SEPTIN9: variants seen among roughly 807,000 people sequenced by gnomAD.
The protein encoded by SEPTIN9 is septin-9.
Under a neutral mutation model 56.6 loss-of-function variants are expected in SEPTIN9, and 13 were observed. That is an observed-to-expected ratio of 0.23 (90% confidence interval 0.15 to 0.37). SEPTIN9 has a LOEUF of 0.37. Among genes scored for constraint, SEPTIN9 ranks in the 10% least tolerant of loss-of-function variants. SEPTIN9 has a pLI of 1.00. For missense variants in SEPTIN9, 650 were observed against 823.1 expected, an observed-to-expected ratio of 0.79 and a Z score of 2.57; for synonymous variants, 332 against 334.1, an observed-to-expected ratio of 0.99 and a Z score of 0.07.
At chr17:77,357,885 C>T (rs2034303757) in intron 2 of SEPTIN9, among the ~76,000 whole-genome samples, 2 of 152,242 alleles carry the variant, frequency 1.3e-5, no homozygotes, top group African/African-American at 2.4e-5. Flanking sequence ...AAGCCCTAAT[C>T]CTGGCTCTGT....
chr17:77,459,474 C>A (rs2038362356), intron 3 of SEPTIN9, among the ~76,000 whole-genome samples: 1 of 152,184 alleles, frequency 6.6e-6, no homozygotes, highest in South Asian at 2.1e-4. Context: ...CAGAGCACAG[C>A]CCCAGCCAGG....
At chr17:77,398,146 G>T (rs942178916) in intron 2 of SEPTIN9, among the ~76,000 whole-genome samples, 1 of 151,940 alleles carries the variant, frequency 6.6e-6, no homozygotes, top group Non-Finnish European at 1.5e-5. Flanking sequence ...GCCAATTTTT[G>T]TATTGTTTAG....
chr17:77,404,420 A>AT (rs1292423221), intron 3 of SEPTIN9, among the ~76,000 whole-genome samples: 2 of 151,834 alleles, frequency 1.3e-5, no homozygotes, highest in Non-Finnish European at 2.9e-5. Flanking sequence ...TAATTTTTAA[A>AT]TTTTTTTTGT....
rs976123448 is a variant in SEPTIN9, at chr17:77,329,335, G to A, written c.76+22138G>A. On this transcript the variant is annotated intron_variant, in intron 2 of 11. Transcript: ENST00000427177. The surrounding 1 kb of genome is among the most constrained non-coding windows in gnomAD (Gnocchi z 4.3). ...TGGACCCACCTGCCTGGCTGCCCCC[G>A]TCAGCATCCAGCAGAGGCCACTGGA... Among the ~76,000 whole-genome samples the A allele has an allele frequency of 6.6e-6, 1 of 152,134 alleles. No individual in the cohort carries two copies. The highest frequency in any genetic ancestry group is 1.9e-4 in the East Asian group (1 of 5,180).
chr17:77,364,173 A>AG (rs1016197358), intron 2 of SEPTIN9, among the ~76,000 whole-genome samples: 1 of 152,102 alleles, frequency 6.6e-6, no homozygotes, highest in African/African-American at 2.4e-5. Flanking sequence ...GATTGTCTGG[A>AG]GGGGCCCAGC....
chr17:77,451,490 C>G lies in SEPTIN9; in HGVS notation c.722-30654C>G, dbSNP rs985217772. ...GTGACCCGGTGGGCGGGCCGCGGCTCTCGGCGCGTCCAGCGCAGCCCGACG... is the reference window on the plus strand; with the variant it reads ...GTGACCCGGTGGGCGGGCCGCGGCTGTCGGCGCGTCCAGCGCAGCCCGACG... On this transcript the variant is annotated intron_variant, in intron 3 of 11. Transcript: ENST00000427177. This position sits in a 1 kb window ranked among gnomAD's most constrained non-coding sequence, Gnocchi z 4.2. 6 of 985,700 alleles carry G rather than the reference C, an allele frequency of 6.1e-6. No individual in the cohort carries two copies. The highest frequency in any genetic ancestry group is 5.1e-4 in the Middle Eastern group (1 of 1,942). The allele number at this position is 985,700 out of a possible 1,614,324, so 61.1% of individuals were successfully genotyped here.
chr17:77,395,353 G>A (rs1031644286), intron 2 of SEPTIN9, among the ~76,000 whole-genome samples: 3 of 151,868 alleles, frequency 2.0e-5, no homozygotes, highest in African/African-American at 4.8e-5. Flanking sequence ...CGGTGAAATC[G>A]TGTCTCTACT....
intron 2 of SEPTIN9, among the ~76,000 whole-genome samples, chr17:77,365,010 G>A (rs1328313660): frequency 1.3e-5 from 2 of 152,168 alleles, no homozygotes; most frequent in Non-Finnish European, 2.9e-5. Flanking sequence ...TTAGAGCATC[G>A]GGTCTTTGTT....
chr17:77,392,641 G>A (rs564496524), intron 2 of SEPTIN9, among the ~76,000 whole-genome samples: 351 of 152,264 alleles, frequency 2.3e-3, no homozygotes, highest in African/African-American at 8.0e-3. Flanking sequence ...GAAGGCAGAG[G>A]GGGAGGGGAC....
At chr17:77,343,037 C>CTATCTATCTATCTATCTA (rs1167779503) in intron 2 of SEPTIN9, among the ~76,000 whole-genome samples, 2 of 141,420 alleles carry the variant, frequency 1.4e-5, no homozygotes, top group African/African-American at 5.6e-5. Context: ...ATCTATCTAT[C>CTATCTATCTATCTATCTA]TATCTAGTCT....
chr17:77,338,445 G>A (rs947004578), intron 2 of SEPTIN9, among the ~76,000 whole-genome samples: 2 of 151,822 alleles, frequency 1.3e-5, no homozygotes, highest in South Asian at 2.1e-4. Flanking sequence ...TTGAGACAGA[G>A]TCTTGCTCTA....
intron 3 of SEPTIN9, chr17:77,472,917 AT>A (rs1241950241): frequency 3.3e-5 from 5 of 152,250 alleles, no homozygotes; most frequent in Admixed American, 3.3e-4. Context: ...GGTCATTTAT[AT>A]TCAGTGTTTC....
At chr17:77,315,129 A>G (rs528834948) in intron 2 of SEPTIN9, among the ~76,000 whole-genome samples, 2 of 152,264 alleles carry the variant, frequency 1.3e-5, no homozygotes, top group South Asian at 2.1e-4. Flanking sequence ...TTAGGCTCTG[A>G]TGTCAGGATT....
At chr17:77,373,331 T>A (rs2034787074) in intron 2 of SEPTIN9, 2 of 1,169,046 alleles carry the variant, frequency 1.7e-6, no homozygotes, top group African/African-American at 3.2e-5. Flanking sequence ...CCCGCCTTCC[T>A]CCCCCATTCA....
At chr17:77,478,611 A>G (rs1362422001) in intron 3 of SEPTIN9, among the ~76,000 whole-genome samples, 3 of 152,112 alleles carry the variant, frequency 2.0e-5, no homozygotes, top group Non-Finnish European at 4.4e-5. Flanking sequence ...GTTCAAGACC[A>G]GCCTGACCAG....
chr17:77,492,394 C>T lies in SEPTIN9; in HGVS notation c.1381-227C>T, dbSNP rs2040068141. Reference sequence around the variant, plus strand: ...AGGTGCTCAGGACGATGACCTTAAGCCCCTGGGGAGTTGCAGCGTCGCTCA... The same window carrying T: ...AGGTGCTCAGGACGATGACCTTAAGTCCCTGGGGAGTTGCAGCGTCGCTCA... On this transcript the variant is annotated intron_variant, in intron 8 of 11. Transcript: ENST00000427177. This position sits in a 1 kb window ranked among gnomAD's most constrained non-coding sequence, Gnocchi z 5.4. Among the ~76,000 whole-genome samples, 1 of 152,086 alleles carries T rather than the reference C, an allele frequency of 6.6e-6. No individual in the cohort carries two copies. The highest frequency in any genetic ancestry group is 2.1e-4 in the South Asian group (1 of 4,816).
chr17:77,411,036 G>C (rs535020594), intron 3 of SEPTIN9, among the ~76,000 whole-genome samples: 2 of 150,870 alleles, frequency 1.3e-5, no homozygotes, highest in Non-Finnish European at 2.9e-5. Context: ...AGTGAGCTGA[G>C]ATTGTGCCAG....
chr17:77,447,975 C>T (rs2037806267), intron 3 of SEPTIN9, among the ~76,000 whole-genome samples: 1 of 152,176 alleles, frequency 6.6e-6, no homozygotes, highest in East Asian at 1.9e-4. Flanking sequence ...GAAATGTCCC[C>T]AGGCGGGTGA....
intron 3 of SEPTIN9, among the ~76,000 whole-genome samples, chr17:77,408,374 AGTTTTCCT>A (rs895978024): frequency 3.5e-4 from 53 of 152,170 alleles, no homozygotes; most frequent in African/African-American, 1.3e-3. Flanking sequence ...ATGTCTCAGT[AGTTTTCCT>A]GTGACCCAGA....
Sources: allele counts gnomAD v4.1 joint callset (sites outside exome capture counted in the v4.1 genomes callset), GRCh38; gene constraint gnomAD v4.1.1; non-coding constraint Gnocchi (gnomAD v3.1); transcripts MANE v1.5; gene names NCBI Gene and HGNC (gene_info 2026-07-23, HGNC 2026-07-21).